The following MLLT10 variants were observed in gnomAD, a reference collection of about 807,000 sequenced individuals.
MLLT10 encodes the protein protein AF-10.
A neutral mutation model predicts 129.1 loss-of-function variants in MLLT10; 30 were observed. That is an observed-to-expected ratio of 0.23 (90% CI 0.17 to 0.32). The LOEUF is 0.32. MLLT10 is among the 10% of genes least tolerant of loss of function. MLLT10 has a pLI of 1.00. For missense variants in MLLT10, 1,119 were observed against 1,268.3 expected, an observed-to-expected ratio of 0.88 and a Z score of 1.79; for synonymous variants, 490 against 446.4, an observed-to-expected ratio of 1.10 and a Z score of -1.23.
At chr10:21,674,388 A>G (rs552762418) in intron 11 of MLLT10, among the ~76,000 whole-genome samples, 2 of 152,260 alleles carry the variant, frequency 1.3e-5, no homozygotes, top group South Asian at 4.1e-4. Flanking sequence ...GAATTACCCT[A>G]TCCTGAGACA....
chr10:21,681,258 T>A (rs1200335621), intron 11 of MLLT10, 74 bp from the exon 12 acceptor site: 5 of 1,583,376 alleles, frequency 3.2e-6, no homozygotes, highest in Non-Finnish European at 1.7e-6. Flanking sequence ...TCCATTTTTC[T>A]GGCCTATCTC....
At chr10:21,693,516 A>G (rs1024176296) in intron 13 of MLLT10, among the ~76,000 whole-genome samples, 4 of 151,902 alleles carry the variant, frequency 2.6e-5, no homozygotes, top group African/African-American at 7.3e-5. Flanking sequence ...ACTTATTCCT[A>G]TTTGTGCGCC....
At chr10:21,687,336 A>G (rs1310950574) in intron 13 of MLLT10, among the ~76,000 whole-genome samples, 1 of 152,194 alleles carries the variant, frequency 6.6e-6, no homozygotes, top group Non-Finnish European at 1.5e-5. Context: ...TCAGGGAAGC[A>G]TTAAGTGGAT....
At chr10:21,598,987 G>T (rs574808341) in intron 5 of MLLT10, among the ~76,000 whole-genome samples, 7 of 152,104 alleles carry the variant, frequency 4.6e-5, no homozygotes, top group African/African-American at 1.7e-4. Context: ...AGACCAGCCT[G>T]ACCAAGATGG....
intron 3 of MLLT10, among the ~76,000 whole-genome samples, chr10:21,539,836 T>C (rs1280994892): frequency 6.6e-6 from 1 of 151,876 alleles, no homozygotes; most frequent in Non-Finnish European, 1.5e-5. Context: ...TCCCAGCTAT[T>C]TGGGAGGCTG....
At chr10:21,674,234 A>ACAG (rs2051818657) in intron 11 of MLLT10, among the ~76,000 whole-genome samples, 1 of 151,648 alleles carries the variant, frequency 6.6e-6, no homozygotes, top group Non-Finnish European at 1.5e-5. Context: ...TTTCACCTGC[A>ACAG]CAGTATTTTT....
intron 13 of MLLT10, among the ~76,000 whole-genome samples, chr10:21,691,163 T>G (rs1461351671): frequency 6.6e-6 from 1 of 152,150 alleles, no homozygotes; most frequent in Non-Finnish European, 1.5e-5. Flanking sequence ...TGATAATACT[T>G]TTTTTTCTCT....
At chr10:21,662,038 A>T (rs72794870) in intron 9 of MLLT10, among the ~76,000 whole-genome samples, 68 of 151,278 alleles carry the variant, frequency 4.5e-4, no homozygotes, top group Non-Finnish European at 8.4e-4. Context: ...ATCACACTTT[A>T]AGTGTTTTAT....
chr10:21,711,920 T>C (rs1328517394), intron 13 of MLLT10, among the ~76,000 whole-genome samples: 9 of 152,230 alleles, frequency 5.9e-5, no homozygotes, highest in Non-Finnish European at 1.3e-4. Flanking sequence ...CTGTTTGTAA[T>C]GCCTTTTTTC....
intron 3 of MLLT10, among the ~76,000 whole-genome samples, chr10:21,585,487 A>T (rs1413995067): frequency 6.6e-6 from 1 of 152,200 alleles, no homozygotes; most frequent in Non-Finnish European, 1.5e-5. Context: ...TTCCTTTCAG[A>T]AGGGAAATCA....
At position 21,595,117 on chromosome 10, in the gene MLLT10, G is replaced by A. The variant is rs114742386; in HGVS notation, c.296-214G>A. Among the ~76,000 whole-genome samples the A allele has an allele frequency of 5.0e-3, 759 of 152,258 alleles. 9 individuals are homozygous for A. The highest frequency in any genetic ancestry group is 0.017 in the African/African-American group (723 of 41,554). Reference sequence around the variant, plus strand: ...AATGTTTCCCTTTATTTATGTAACTGTACATCATAACTGGGGAAATGATTA... The same window carrying A: ...AATGTTTCCCTTTATTTATGTAACTATACATCATAACTGGGGAAATGATTA... On this transcript the variant is annotated intron_variant, in intron 4 of 22. Transcript: ENST00000307729.
intron 3 of MLLT10, among the ~76,000 whole-genome samples, chr10:21,539,442 G>A (rs1384673652): frequency 6.8e-6 from 1 of 147,784 alleles, no homozygotes; most frequent in Non-Finnish European, 1.5e-5. Context: ...TAACTTGGGT[G>A]GTTACCTTAT....
intron 14 of MLLT10, among the ~76,000 whole-genome samples, chr10:21,717,623 C>CTCCTCCTCTTCCTCCTTT (rs2056743803): frequency 8.0e-6 from 1 of 125,054 alleles, no homozygotes; most frequent in Non-Finnish European, 1.7e-5. Context: ...CCTCCTCTTC[C>CTCCTCCTCTTCCTCCTTT]TCCTCCTCCT....
chr10:21,672,085 A>C (rs145010158), intron 10 of MLLT10, among the ~76,000 whole-genome samples: 2 of 152,244 alleles, frequency 1.3e-5, no homozygotes, highest in African/African-American at 4.8e-5. Context: ...AGGTCTCAGT[A>C]AATAAGTTGT....
At chr10:21,670,256 TTTC>T (rs971078567) in intron 9 of MLLT10, among the ~76,000 whole-genome samples, 190 bp from the exon 10 acceptor site, 2 of 152,168 alleles carry the variant, frequency 1.3e-5, no homozygotes, top group African/African-American at 2.4e-5. Flanking sequence ...TTTCTTTTCT[TTTC>T]TTTTTTTAAA....
chr10:21,629,056 T>C (rs2046756839), intron 8 of MLLT10, among the ~76,000 whole-genome samples: 1 of 151,750 alleles, frequency 6.6e-6, no homozygotes, highest in African/African-American at 2.4e-5. Context: ...TGGAGGATAT[T>C]CTCTAAGATG....
Position 21,599,407 on chromosome 10 carries a change from A to G in MLLT10, c.405+3967A>G, listed in dbSNP as rs574018390. The stretch of plus-strand genomic sequence containing the variant: ...ATTCATTATGTGAATATACATACAC[A>G]CACTAATCTCTATTACTGTATCCAT... On this transcript the variant is annotated intron_variant, in intron 5 of 22. Transcript: ENST00000307729. Among the ~76,000 whole-genome samples the G allele has an allele frequency of 3.5e-4, 53 of 152,290 alleles. No individual in the cohort carries two copies. In the South Asian group the frequency reaches 0.011, roughly 31 times the overall value.
At chr10:21,689,860 A>T (rs2053689181) in intron 13 of MLLT10, among the ~76,000 whole-genome samples, 1 of 151,694 alleles carries the variant, frequency 6.6e-6, no homozygotes, top group East Asian at 1.9e-4. Context: ...AAACAGAGTA[A>T]CCCAATAGTT....
intron 3 of MLLT10, among the ~76,000 whole-genome samples, chr10:21,567,821 C>CTTT (rs1163802842): frequency 7.3e-6 from 1 of 137,534 alleles, no homozygotes. Context: ...GGGGCTTCTT[C>CTTT]TTTTTTTTTT....
Sources: gnomAD v4.1 joint callset for allele counts (sites outside exome capture counted in the v4.1 genomes callset) on GRCh38, gnomAD v4.1.1 for gene constraint, MANE v1.5 for transcripts, NCBI Gene and HGNC (gene_info 2026-07-23, HGNC 2026-07-21) for gene names.